Variants in AADACL4 observed in about 807,000 individuals in gnomAD.
AADACL4 encodes arylacetamide deacetylase like 4.
A neutral mutation model predicts 14.1 loss-of-function variants in AADACL4; 9 were observed. The observed-to-expected ratio is 0.64, with a 90% CI of 0.39 to 1.12. AADACL4 has a LOEUF of 1.12. AADACL4 is among the 50% of genes most tolerant of loss of function. The pLI, the probability that AADACL4 is intolerant of heterozygous loss-of-function variation, is 0.01. For synonymous variants in AADACL4, 188 were observed against 201.6 expected (o/e 0.93, Z 0.57); for missense variants, 531 against 516.1 (o/e 1.03, Z -0.28).
chr1:12,650,085 T>G (rs1411240082), intron 1 of AADACL4, among the ~76,000 whole-genome samples: 1 of 152,200 alleles, frequency 6.6e-6, no homozygotes, highest in Non-Finnish European at 1.5e-5. Context: ...TACTGACACA[T>G]TGTAAATGTC....
intron 1 of AADACL4, among the ~76,000 whole-genome samples, chr1:12,648,374 T>A (rs1647124946): frequency 6.6e-6 from 1 of 150,388 alleles, no homozygotes. Flanking sequence ...CCTTCCTTCC[T>A]TCCTTCCTTC....
intron 2 of AADACL4, among the ~76,000 whole-genome samples, chr1:12,658,403 C>T (rs919525388): frequency 5.3e-5 from 8 of 152,114 alleles, no homozygotes; most frequent in Middle Eastern, 6.8e-3. Flanking sequence ...AGATTACAGG[C>T]GCGTGCCACC....
At chr1:12,658,916 A>G (rs980638400) in intron 2 of AADACL4, among the ~76,000 whole-genome samples, 2 of 152,196 alleles carry the variant, frequency 1.3e-5, no homozygotes, top group Non-Finnish European at 2.9e-5. Context: ...GAAGAGTGCA[A>G]GAAGTTTTGT....
In AADACL4 at chr1:12,666,640, C is replaced by A. The variant is rs1222462600; in HGVS notation, c.1129C>A (p.His377Asn). The A allele has an allele frequency of 6.2e-7, 1 of 1,614,178 alleles. No individual in the cohort carries two copies. The highest frequency in any genetic ancestry group is 8.5e-7 in the Non-Finnish European group (1 of 1,180,042). The change falls in exon 4 of 4, where the codon CAC (histidine) becomes AAC (asparagine). Residue 377 changes from histidine (H) to asparagine (N), a missense_variant. Coordinates refer to ENST00000376221, the MANE Select transcript of AADACL4 (RefSeq NM_001013630.2). ...VTWYHLYDGF[H>N]GSIIFFDKKA... is the part of the protein sequence containing the mutation. ...ATGGTACCACCTGTATGATGGTTTT[C>A]ACGGATCCATTATCTTTTTTGATAA...
chr1:12,654,582 T>C (rs1395820720), intron 2 of AADACL4, among the ~76,000 whole-genome samples: 1 of 152,144 alleles, frequency 6.6e-6, no homozygotes, highest in African/African-American at 2.4e-5. Context: ...GGCTCATTTA[T>C]TGGGATGGCT....
At chr1:12,665,913 G>A in intron 3 of AADACL4, 48 bp from the exon 4 acceptor site, 2 of 1,535,996 alleles carry the variant, frequency 1.3e-6, no homozygotes, top group Non-Finnish European at 1.8e-6. Context: ...CAGCTCCCTA[G>A]CAACACTGTC....
chr1:12,659,330 G>A (rs911216949), intron 2 of AADACL4, among the ~76,000 whole-genome samples: 1 of 152,134 alleles, frequency 6.6e-6, no homozygotes, highest in Non-Finnish European at 1.5e-5. Context: ...GCATCATTCC[G>A]ATTTAGCTCT....
In AADACL4 at chr1:12,651,063, A is replaced by C. The variant is rs1570427019; in HGVS notation, c.169-60A>C. 4 of 1,492,762 alleles carry C rather than the reference A, an allele frequency of 2.7e-6. No individual in the cohort carries two copies. The East Asian group carries it at 9.0e-5, about 34-fold the overall frequency. The allele number at this position is 1,492,762 out of a possible 1,614,324, so 92.5% of individuals were successfully genotyped here. On this transcript the variant is annotated intron_variant, in intron 1 of 3. Coordinates refer to ENST00000376221, the MANE Select transcript of AADACL4 (RefSeq NM_001013630.2). Reference sequence around the variant, plus strand: ...TCCTAACAATTCTAAGTGTCAGGGAATCTACCATCCAGATTCTAACCTCTC... The same window carrying C: ...TCCTAACAATTCTAAGTGTCAGGGACTCTACCATCCAGATTCTAACCTCTC...
Position 12,651,178 on chromosome 1 carries a change from T to C in AADACL4, c.224T>C (p.Leu75Ser), listed in dbSNP as rs199989547. 6.8e-6 allele frequency: 11 copies of C among 1,614,138 alleles called. No homozygotes were observed. The highest frequency in any genetic ancestry group is 1.1e-5 in the South Asian group (1 of 91,090). ...ICSMPKFIRF[L>S]HDSVRIKKDP... is the part of the protein sequence containing the mutation. ...TCCATGCCCAAATTTATTCGTTTTT[T>C]ACATGATAGCGTGAGAATTAAAAAG... The change falls in exon 2 of 4, where the codon TTA (leucine) becomes TCA (serine). Residue 75 changes from leucine (L) to serine (S), a missense_variant. Transcript: ENST00000376221.
chr1:12,653,171 G>A (rs138598371), intron 2 of AADACL4, among the ~76,000 whole-genome samples: 2 of 152,360 alleles, frequency 1.3e-5, no homozygotes, highest in Non-Finnish European at 2.9e-5. Flanking sequence ...TGGGTCATCA[G>A]GAGGATCTGA....
intron 2 of AADACL4, among the ~76,000 whole-genome samples, chr1:12,659,841 C>G (rs116744858): frequency 6.6e-6 from 1 of 152,120 alleles, no homozygotes; most frequent in Non-Finnish European, 1.5e-5. Context: ...TATTTTGAGA[C>G]AGGATCTCAC....
rs200373354 is a variant in AADACL4 at position 12,665,982 on chromosome 1, C to G, written c.471C>G (p.His157Gln). Residue 157 changes from histidine to glutamine, a missense_variant, in exon 4 of 4, where the codon CAC becomes CAG. Coordinates refer to ENST00000376221, the MANE Select transcript of AADACL4 (RefSeq NM_001013630.2). Reference protein sequence around the residue: ...LMIGYRKLPDHHSPALFQDCM... With the variant: ...LMIGYRKLPDQHSPALFQDCM... ...TTAGGTACCGCAAGCTTCCTGACCA[C>G]CATTCCCCTGCCCTTTTCCAAGACT... is the stretch of plus-strand genomic sequence containing the variant. 3.7e-6 allele frequency: 6 copies of G among 1,609,470 alleles called. No homozygotes were observed. In the African/African-American group the frequency reaches 8.0e-5, roughly 21 times the overall value.
intron 2 of AADACL4, among the ~76,000 whole-genome samples, chr1:12,656,490 G>A (rs1374256705): frequency 6.6e-6 from 1 of 152,164 alleles, no homozygotes; most frequent in Non-Finnish European, 1.5e-5. Flanking sequence ...GAGTAGAGAT[G>A]ATTCAGTATG....
chr1:12,646,822 C>T (rs1260503615), intron 1 of AADACL4, among the ~76,000 whole-genome samples: 1 of 152,154 alleles, frequency 6.6e-6, no homozygotes, highest in East Asian at 1.9e-4. Flanking sequence ...GGCACTGGGG[C>T]CTCCCAGGGC....
intron 1 of AADACL4, among the ~76,000 whole-genome samples, chr1:12,649,155 C>G (rs2100758279): frequency 6.6e-6 from 1 of 152,304 alleles, no homozygotes; most frequent in Non-Finnish European, 1.5e-5. Flanking sequence ...TGCACTCCAA[C>G]CTGGGCAACA....
chr1:12,646,295 A>C (rs1024228443), intron 1 of AADACL4, among the ~76,000 whole-genome samples: 1 of 152,180 alleles, frequency 6.6e-6, no homozygotes, highest in Non-Finnish European at 1.5e-5. Context: ...CCATTTACTT[A>C]ACCTCTCTGT....
At chr1:12,650,300 A>G (rs1348636589) in intron 1 of AADACL4, among the ~76,000 whole-genome samples, 1 of 152,180 alleles carries the variant, frequency 6.6e-6, no homozygotes, top group Admixed American at 6.5e-5. Context: ...GAGTGACCGT[A>G]TTAGTTTAAA....
chr1:12,655,538 T>C (rs565727074), intron 2 of AADACL4, among the ~76,000 whole-genome samples: 2 of 151,972 alleles, frequency 1.3e-5, no homozygotes, highest in African/African-American at 4.8e-5. Context: ...TGGGACATCA[T>C]TGCTCCAGTG....
chr1:12,661,727 G>A, intron 2 of AADACL4, 64 bp from the exon 3 acceptor site: 1 of 1,501,142 alleles, frequency 6.7e-7, no homozygotes, highest in Non-Finnish European at 9.3e-7. Context: ...TCTTCCTGGG[G>A]GCTGTGGTGA....
Sources: gnomAD v4.1 joint callset for allele counts (sites outside exome capture counted in the v4.1 genomes callset) on GRCh38, gnomAD v4.1.1 for gene constraint, MANE v1.5 for transcripts, NCBI Gene and HGNC (gene_info 2026-07-23, HGNC 2026-07-21) for gene names.